The following ZFYVE9 variants were observed in gnomAD, a reference collection of about 807,000 sequenced individuals.
The protein encoded by ZFYVE9 is zinc finger FYVE domain-containing protein 9.
A neutral mutation model predicts 126.7 loss-of-function variants in ZFYVE9; 43 were observed. That is an observed-to-expected ratio of 0.34 (90% CI 0.27 to 0.44). ZFYVE9 has a LOEUF of 0.44. Ranked by LOEUF, ZFYVE9 falls within the 20% of genes least tolerant of loss-of-function variation. ZFYVE9 has a pLI of 1.00. For synonymous variants in ZFYVE9, 521 were observed against 597.4 expected (o/e 0.87, Z 1.87); for missense variants, 1,476 against 1,697.0 (o/e 0.87, Z 2.29).
intron 9 of ZFYVE9, among the ~76,000 whole-genome samples, chr1:52,280,905 A>G (rs1187998108): frequency 6.6e-6 from 1 of 152,086 alleles, no homozygotes; most frequent in African/African-American, 2.4e-5. Flanking sequence ...CTTTTGTTGT[A>G]ATTACTTCTA....
rs751810746 is a variant in ZFYVE9, at chr1:52,344,867, C to T, written c.4039C>T (p.Leu1347Phe). 6.2e-7 allele frequency: 1 copy of T among 1,614,218 alleles called. No homozygotes were observed. Among genetic ancestry groups the T allele is most frequent in the Non-Finnish European group, 8.5e-7 (1 of 1,180,038 alleles). Reference sequence around the variant, plus strand: ...TGTTGCCAAAGCTTTTTGCCTTGCTCTCTGTCCTCACCTGAAACTTCTGAA... The same window carrying T: ...TGTTGCCAAAGCTTTTTGCCTTGCTTTCTGTCCTCACCTGAAACTTCTGAA... Reference protein sequence around the residue: ...EHVAKAFCLALCPHLKLLKED... With the variant: ...EHVAKAFCLAFCPHLKLLKED... The change falls in exon 18 of 19, where the codon CTC (leucine) becomes TTC (phenylalanine). Residue 1347 changes from leucine (L) to phenylalanine (F), a missense_variant. By Grantham distance (22) the Leu-to-Phe change is conservative. Transcript: ENST00000287727.
At chr1:52,214,220 A>G (rs1259430211) in intron 1 of ZFYVE9, among the ~76,000 whole-genome samples, 1 of 152,170 alleles carries the variant, frequency 6.6e-6, no homozygotes, top group Non-Finnish European at 1.5e-5. Flanking sequence ...TGAGGTCAGT[A>G]GTTTGAGACC....
chr1:52,300,401 C>T (rs929616819), intron 12 of ZFYVE9, among the ~76,000 whole-genome samples: 1 of 151,924 alleles, frequency 6.6e-6, no homozygotes, highest in Non-Finnish European at 1.5e-5. Flanking sequence ...ACCAGCCTGG[C>T]TGATATGGTG....
chr1:52,161,823 A>T (rs1644462693), intron 1 of ZFYVE9, among the ~76,000 whole-genome samples: 1 of 152,184 alleles, frequency 6.6e-6, no homozygotes. Context: ...CTCAAAAGAA[A>T]GTTTAAAAAG....
At chr1:52,202,242 T>C (rs866730594) in intron 1 of ZFYVE9, among the ~76,000 whole-genome samples, 17 of 152,126 alleles carry the variant, frequency 1.1e-4, no homozygotes, top group Middle Eastern at 6.3e-3. Context: ...TTAGTTGTAA[T>C]TCTTTTCTTT....
At position 52,346,098 on chromosome 1, in the gene ZFYVE9, C is replaced by G. The variant is rs774517974; in HGVS notation, c.4155C>G (p.Pro1385=). The change falls in exon 19 of 19, where the codon CCC becomes CCG. Residue 1385 remains proline (P), a synonymous_variant. Coordinates refer to ENST00000287727, the MANE Select transcript of ZFYVE9 (RefSeq NM_004799.4). Reference sequence around the variant, plus strand: ...CAGGGAGCAATGGCCAGCCCCTTCCCTCGCAGTACATGAATGATCTGGACA... The same window carrying G: ...CAGGGAGCAATGGCCAGCCCCTTCCGTCGCAGTACATGAATGATCTGGACA... ...YQAGSNGQPL[P]SQYMNDLDSA... 1 of 1,610,826 alleles carries G rather than the reference C, an allele frequency of 6.2e-7. No individual in the cohort carries two copies. The highest frequency in any genetic ancestry group is 1.1e-5 in the South Asian group (1 of 90,840).
At chr1:52,240,785 G>A (rs996239215) in intron 4 of ZFYVE9, among the ~76,000 whole-genome samples, 1 of 152,146 alleles carries the variant, frequency 6.6e-6, no homozygotes. Context: ...TCTTATCAGG[G>A]AGGAAGGGAC....
At chr1:52,190,930 G>A (rs2124555116) in intron 1 of ZFYVE9, among the ~76,000 whole-genome samples, 1 of 151,964 alleles carries the variant, frequency 6.6e-6, no homozygotes, top group African/African-American at 2.4e-5. Flanking sequence ...TATATTTTAT[G>A]GATATTCATT....
intron 2 of ZFYVE9, among the ~76,000 whole-genome samples, chr1:52,226,603 G>T (rs918224527): frequency 6.6e-6 from 1 of 152,122 alleles, no homozygotes; most frequent in African/African-American, 2.4e-5. Flanking sequence ...GAGGACTCTC[G>T]TACCCTTACT....
At chr1:52,159,427 AAGGGAGAGGAGGCACAATTGTC>A (rs1243359224) in intron 1 of ZFYVE9, among the ~76,000 whole-genome samples, 1 of 152,212 alleles carries the variant, frequency 6.6e-6, no homozygotes. Flanking sequence ...CGTGAAAGGA[AAGGGAGAGGAGGCACAATTGTC>A]AGGGAGAGTC....
At chr1:52,235,793 G>C (rs1645267999) in intron 3 of ZFYVE9, among the ~76,000 whole-genome samples, 1 of 151,900 alleles carries the variant, frequency 6.6e-6, no homozygotes, top group Non-Finnish European at 1.5e-5. Context: ...AGTTCTTCTT[G>C]CCTTCATGAA....
In ZFYVE9 at chr1:52,303,920, A is replaced by C; in HGVS notation, c.3433A>C (p.Asn1145His). 1.3e-6 allele frequency: 2 copies of C among 1,598,508 alleles called. No individual in the cohort carries two copies. Among genetic ancestry groups the C allele is most frequent in the Non-Finnish European group, 1.7e-6 (2 of 1,172,726 alleles). ...TSIKIPSNRY[N>H]EMMKAMNKSN... ...CATCAAAATTCCCAGCAACAGATAC[A>C]ATGAGGTAAGATTTACCATGAAGGC... Residue 1145 changes from asparagine (N) to histidine (H), a missense_variant, in exon 13 of 19, where the codon AAT becomes CAT. Around this residue, in one of 2 missense-constraint regions of ZFYVE9, gnomAD observed 669 missense variants for 902.4 expected, o/e 0.74. Transcript: ENST00000287727.
intron 4 of ZFYVE9, 96 bp downstream of exon 4, chr1:52,239,691 G>C: frequency 4.4e-6 from 6 of 1,373,270 alleles, no homozygotes; most frequent in Non-Finnish European, 5.8e-6. Context: ...TATATGTCTG[G>C]TTGAGTTGAC....
chr1:52,237,404 C>A (rs965466693), intron 3 of ZFYVE9, 84 bp from the exon 4 acceptor site: 2 of 1,211,380 alleles, frequency 1.7e-6, no homozygotes, highest in Non-Finnish European at 2.3e-6. Flanking sequence ...AATTTTCAAA[C>A]GATAGTTAGA....
At chr1:52,203,830 A>C (rs999936662) in intron 1 of ZFYVE9, among the ~76,000 whole-genome samples, 2 of 151,798 alleles carry the variant, frequency 1.3e-5, no homozygotes, top group Non-Finnish European at 2.9e-5. Flanking sequence ...TTCCTCAGTC[A>C]TGTCCTGTCT....
At chr1:52,148,783 A>G (rs535013580) in intron 1 of ZFYVE9, among the ~76,000 whole-genome samples, 2 of 151,016 alleles carry the variant, frequency 1.3e-5, no homozygotes, top group African/African-American at 4.9e-5. Flanking sequence ...CGGGGACTAC[A>G]GGTGCGCGCC....
chr1:52,230,487 A>T (rs6657731), intron 2 of ZFYVE9, among the ~76,000 whole-genome samples: 2 of 151,056 alleles, frequency 1.3e-5, no homozygotes, highest in South Asian at 4.2e-4. Flanking sequence ...ACATATACCT[A>T]TGTAATCTGC....
At chr1:52,201,084 TC>T (rs1644918662) in intron 1 of ZFYVE9, among the ~76,000 whole-genome samples, 1 of 152,204 alleles carries the variant, frequency 6.6e-6, no homozygotes, top group African/African-American at 2.4e-5. Flanking sequence ...AGAAATGACA[TC>T]TTGACAATAT....
intron 1 of ZFYVE9, among the ~76,000 whole-genome samples, chr1:52,201,014 A>C (rs1249254669): frequency 6.6e-6 from 1 of 152,234 alleles, no homozygotes; most frequent in African/African-American, 2.4e-5. Flanking sequence ...GTCAATGTTT[A>C]TAAAATAACT....
Sources: allele counts gnomAD v4.1 joint callset (sites outside exome capture counted in the v4.1 genomes callset), GRCh38; gene constraint gnomAD v4.1.1; regional missense constraint gnomAD v4.1.1; transcripts MANE v1.5; gene names NCBI Gene and HGNC (gene_info 2026-07-23, HGNC 2026-07-21).